SLC44A1: variants seen among roughly 807,000 people sequenced by gnomAD.
SLC44A1 encodes choline transporter-like protein 1.
SLC44A1 carries 26 observed loss-of-function variants against 79.3 expected under a neutral mutation model. The ratio of observed to expected loss-of-function variants is 0.33; its 90% CI spans 0.24 to 0.46. SLC44A1 has a LOEUF of 0.46. SLC44A1 is among the 20% of genes least tolerant of loss of function. The pLI is 1.00. For synonymous variants in SLC44A1, 263 were observed against 286.2 expected (o/e 0.92, Z 0.82); for missense variants, 688 against 798.1 (o/e 0.86, Z 1.66).
intron 15 of SLC44A1, among the ~76,000 whole-genome samples, chr9:105,409,618 G>A (rs773472377): frequency 4.6e-5 from 7 of 152,144 alleles, no homozygotes; most frequent in African/African-American, 9.7e-5. Flanking sequence ...CCAGGAGGTC[G>A]AGGTTGCAGT....
chr9:105,328,866 C>T (rs1588787255), intron 3 of SLC44A1, among the ~76,000 whole-genome samples: 1 of 152,288 alleles, frequency 6.6e-6, no homozygotes, highest in African/African-American at 2.4e-5. Context: ...GGGAAAGGCA[C>T]ACCCCTGTCA....
chr9:105,262,559 C>A (rs954563431), intron 1 of SLC44A1, among the ~76,000 whole-genome samples: 1 of 152,198 alleles, frequency 6.6e-6, no homozygotes, highest in Admixed American at 6.5e-5. Context: ...ATTCTTCTGT[C>A]GTTGTTGACT....
In SLC44A1 at chr9:105,371,452, G is replaced by A. The variant is rs1248440367; in HGVS notation, c.1495-3146G>A. Among the ~76,000 whole-genome samples the A allele has an allele frequency of 2.0e-5, 3 of 151,418 alleles. No individual in the cohort carries two copies. The East Asian group carries it at 5.8e-4, about 29-fold the overall frequency. ...TTTACAAAAGTAATTGGCAGGCCAG[G>A]TGCGGTGGCTCACGCCTGTAATCCC... On this transcript the variant is annotated intron_variant, in intron 12 of 15. Coordinates refer to ENST00000374720, the MANE Select transcript of SLC44A1 (RefSeq NM_080546.5).
chr9:105,401,754 G>C (rs1203222653), downstream of SLC44A1, among the ~76,000 whole-genome samples: 1 of 152,168 alleles, frequency 6.6e-6, no homozygotes, highest in African/African-American at 2.4e-5. Flanking sequence ...TCACAGCAGC[G>C]TGCTAAATGT....
At chr9:105,419,500 C>T (rs533105428) in intron 15 of SLC44A1, among the ~76,000 whole-genome samples, 4 of 152,254 alleles carry the variant, frequency 2.6e-5, no homozygotes, top group African/African-American at 4.8e-5. Context: ...ATCTATATTC[C>T]GAGAAGCCTC....
At chr9:105,318,879 A>G (rs1177273987) in intron 3 of SLC44A1, among the ~76,000 whole-genome samples, 2 of 152,120 alleles carry the variant, frequency 1.3e-5, no homozygotes, top group African/African-American at 2.4e-5. Flanking sequence ...TTGTTTGACT[A>G]GGTGTATATG....
At chr9:105,301,689 A>AT (rs1475849687) in intron 2 of SLC44A1, among the ~76,000 whole-genome samples, 1 of 152,128 alleles carries the variant, frequency 6.6e-6, no homozygotes, top group East Asian at 1.9e-4. Context: ...TATCTTTTAA[A>AT]TTTTTTTCAA....
intron 1 of SLC44A1, among the ~76,000 whole-genome samples, chr9:105,269,759 G>A (rs902981809): frequency 1.3e-5 from 2 of 152,176 alleles, no homozygotes; most frequent in Non-Finnish European, 2.9e-5. Context: ...GAAGGTTACT[G>A]ACAGCTGCCA....
intron 14 of SLC44A1, among the ~76,000 whole-genome samples, chr9:105,384,568 C>A (rs1170922570): frequency 6.6e-6 from 1 of 152,126 alleles, no homozygotes; most frequent in Non-Finnish European, 1.5e-5. Context: ...CTGGCAACAT[C>A]AGCTAAATTC....
intron 3 of SLC44A1, among the ~76,000 whole-genome samples, chr9:105,315,461 C>T (rs1831297650): frequency 6.6e-6 from 1 of 152,018 alleles, no homozygotes; most frequent in South Asian, 2.1e-4. Flanking sequence ...CACTGATCAC[C>T]TTCTTTAAAG....
rs143364957 is a variant in SLC44A1 at position 105,318,285 on chromosome 9, A to G, written c.269+8419A>G. On this transcript the variant is annotated intron_variant, in intron 3 of 15. Coordinates refer to ENST00000374720, the MANE Select transcript of SLC44A1 (RefSeq NM_080546.5). Reference sequence around the variant, plus strand: ...AACCTCCGCCTCCCGAGTTCAATAGATTCTCCTGCCTTAGCCTCCCAAGTA... The same window carrying G: ...AACCTCCGCCTCCCGAGTTCAATAGGTTCTCCTGCCTTAGCCTCCCAAGTA... Among the ~76,000 whole-genome samples, 63 of 152,188 alleles carry G rather than the reference A, an allele frequency of 4.1e-4. No homozygotes were observed. In the East Asian group the frequency reaches 0.012, roughly 29 times the overall value.
chr9:105,436,843 A>G (rs1829469179), intron 15 of SLC44A1, among the ~76,000 whole-genome samples: 1 of 152,184 alleles, frequency 6.6e-6, no homozygotes, highest in Non-Finnish European at 1.5e-5. Context: ...GTTTCAAGCA[A>G]CGTTATTCTT....
Position 105,393,097 on chromosome 9 carries a change from T to C in SLC44A1, c.*4041T>C. ...ACTATAATGGCTTGCCTAGAACTGG[T>C]AAGAAGTGGTCTGTGAATGTATATT... is the stretch of plus-strand genomic sequence containing the variant. On this transcript the variant is annotated 3_prime_UTR_variant, in exon 16 of 16. Coordinates refer to ENST00000374720, the MANE Select transcript of SLC44A1 (RefSeq NM_080546.5). The C allele has an allele frequency of 4.1e-6, 4 of 985,392 alleles. No individual in the cohort carries two copies. Among genetic ancestry groups the C allele is most frequent in the Non-Finnish European group, 4.8e-6 (4 of 829,866 alleles). 61.0% of individuals were successfully genotyped at this position (985,392 alleles called of 1,614,324 possible).
At chr9:105,276,782 T>A (rs1376148007) in intron 1 of SLC44A1, among the ~76,000 whole-genome samples, 1 of 151,342 alleles carries the variant, frequency 6.6e-6, no homozygotes, top group Non-Finnish European at 1.5e-5. Flanking sequence ...AAAACCAGAG[T>A]GGTCTGAGAA....
intron 3 of SLC44A1, among the ~76,000 whole-genome samples, chr9:105,330,638 T>G (rs1290249027): frequency 7.9e-5 from 12 of 152,214 alleles, no homozygotes; most frequent in Non-Finnish European, 1.8e-4. Flanking sequence ...TTTCCCTGTT[T>G]TCATCTTTGG....
intron 15 of SLC44A1, among the ~76,000 whole-genome samples, chr9:105,410,484 C>T (rs1829080620): frequency 6.6e-6 from 1 of 152,138 alleles, no homozygotes; most frequent in Non-Finnish European, 1.5e-5. Flanking sequence ...TGCTCAATGT[C>T]ATTAGGGAAT....
chr9:105,289,877 A>G (rs925697235), intron 1 of SLC44A1, among the ~76,000 whole-genome samples: 2 of 150,178 alleles, frequency 1.3e-5, no homozygotes, highest in African/African-American at 4.9e-5. Flanking sequence ...GCAATGGTGG[A>G]ATATCAACTC....
chr9:105,330,775 C>T (rs1826726067), intron 3 of SLC44A1, among the ~76,000 whole-genome samples: 1 of 152,224 alleles, frequency 6.6e-6, no homozygotes. Flanking sequence ...ACCTTTTCCT[C>T]TTCCTCAGAT....
At chr9:105,364,930 C>T (rs553788572) in intron 10 of SLC44A1, among the ~76,000 whole-genome samples, 1 of 152,196 alleles carries the variant, frequency 6.6e-6, no homozygotes, top group South Asian at 2.1e-4. Flanking sequence ...TACTTTTCTG[C>T]AGTTGTCTCA....
Sources: allele counts gnomAD v4.1 joint callset (sites outside exome capture counted in the v4.1 genomes callset), GRCh38; gene constraint gnomAD v4.1.1; transcripts MANE v1.5; gene names NCBI Gene and HGNC (gene_info 2026-07-23, HGNC 2026-07-21).